Variants in KIF4A observed in about 807,000 individuals in gnomAD.
KIF4A encodes the protein chromosome-associated kinesin KIF4A.
In KIF4A, 7 loss-of-function variants were observed where a neutral mutation model predicts 105.9. That is an observed-to-expected ratio of 0.07 (90% CI 0.04 to 0.12). The LOEUF (loss-of-function observed/expected upper bound fraction) is 0.12, where lower values mean the gene tolerates loss of function less well. Among genes scored for constraint, KIF4A ranks in the 10% least tolerant of loss-of-function variants. KIF4A has a pLI of 1.00. For missense variants in KIF4A, 558 were observed against 929.2 expected (o/e 0.60, Z 5.19); for synonymous variants, 281 against 331.3 (o/e 0.85, Z 1.65).
chrX:70,355,876 A>C, intron 15 of KIF4A, among the ~76,000 whole-genome samples: 1 of 111,980 alleles, frequency 8.9e-6, no homozygotes, highest in Non-Finnish European at 1.9e-5. Flanking sequence ...GAGTAAAGAC[A>C]AAAAAAGTGT....
At chrX:70,373,940 G>A (rs1044996834) in intron 15 of KIF4A, among the ~76,000 whole-genome samples, 19 of 104,418 alleles carry the variant, frequency 1.8e-4, no homozygotes, top group East Asian at 6.0e-4. Flanking sequence ...TATAGTAAGC[G>A]TGGCAGTCAA....
At chrX:70,382,917 G>A (rs1160404565) in intron 18 of KIF4A, among the ~76,000 whole-genome samples, 1 of 111,592 alleles carries the variant, frequency 9.0e-6, no homozygotes, top group Non-Finnish European at 1.9e-5. Flanking sequence ...GGGCACGGTG[G>A]CTCACACCTG....
chrX:70,344,267 T>C, intron 13 of KIF4A, among the ~76,000 whole-genome samples: 1 of 112,303 alleles, frequency 8.9e-6, no homozygotes, highest in Non-Finnish European at 1.9e-5. Context: ...CAGTCATTGA[T>C]TTGCTGTCCT....
At chrX:70,367,172 A>G (rs1057252825) in intron 15 of KIF4A, among the ~76,000 whole-genome samples, 5 of 111,514 alleles carry the variant, frequency 4.5e-5, no homozygotes, top group African/African-American at 1.3e-4. Context: ...TTTCCTGAGT[A>G]CAGCACACTG....
intron 22 of KIF4A, among the ~76,000 whole-genome samples, chrX:70,401,079 A>ATTTTTT (rs1271801890): frequency 1.4e-5 from 1 of 74,065 alleles, no homozygotes; most frequent in African/African-American, 5.2e-5. Flanking sequence ...TAGGTTTATG[A>ATTTTTT]TTTTTTTTTT....
rs759914631 is a variant in KIF4A, at chrX:70,313,684, A to G, written c.778+11286A>G. Among the ~76,000 whole-genome samples, 477 of 112,092 alleles carry G rather than the reference A, an allele frequency of 4.3e-3. 1 individual carries two copies. Among genetic ancestry groups the G allele is most frequent in the African/African-American group, 0.015 (459 of 30,858 alleles). On this transcript the variant is annotated intron_variant, in intron 7 of 30. Coordinates refer to ENST00000374403, the MANE Select transcript of KIF4A (RefSeq NM_012310.5). ...ATTTTTTCTTATGTTGGTCTGATTC[A>G]TCTGCTTTCAGTCTCTCAAGGATTT...
chrX:70,374,338 T>C (rs2086166547), intron 16 of KIF4A, 84 bp downstream of exon 16: 2 of 552,984 alleles, frequency 3.6e-6, no homozygotes, highest in Admixed American at 3.4e-5. Context: ...AGAAGTCCCA[T>C]TTACTGCCCC....
intron 7 of KIF4A, among the ~76,000 whole-genome samples, chrX:70,329,028 AAAT>A (rs1224906537): frequency 9.0e-6 from 1 of 111,528 alleles, no homozygotes; most frequent in African/African-American, 3.3e-5. Context: ...ATGATAATAA[AAAT>A]AATGATGATG....
At chrX:70,376,310 G>C (rs1327253396) in intron 18 of KIF4A, 100 bp downstream of exon 18, 1 of 474,843 alleles carries the variant, frequency 2.1e-6, no homozygotes, top group Non-Finnish European at 3.7e-6. Context: ...GTCTCCAAAA[G>C]TGTGACATTC....
chrX:70,370,098 A>T (rs1260042232), intron 15 of KIF4A, among the ~76,000 whole-genome samples: 1 of 111,702 alleles, frequency 9.0e-6, no homozygotes, highest in African/African-American at 3.2e-5. Context: ...AGGCTATACC[A>T]TATAGCCTGG....
chrX:70,338,609 C>T (rs1441135898), intron 10 of KIF4A, among the ~76,000 whole-genome samples: 3 of 112,089 alleles, frequency 2.7e-5, no homozygotes, highest in African/African-American at 9.7e-5. Flanking sequence ...TGCAAACATT[C>T]ACTTGCAAGT....
intron 13 of KIF4A, among the ~76,000 whole-genome samples, chrX:70,351,436 C>T (rs1187754970): frequency 8.9e-6 from 1 of 112,058 alleles, no homozygotes; most frequent in Non-Finnish European, 1.9e-5. Context: ...AGATAATGGC[C>T]TCTAGTTTCA....
chrX:70,329,391 T>C lies in KIF4A; in HGVS notation c.779-14T>C, dbSNP rs1485974769. On this transcript the variant is annotated splice_polypyrimidine_tract_variant and intron_variant, in intron 7 of 30. Coordinates refer to ENST00000374403, the MANE Select transcript of KIF4A (RefSeq NM_012310.5). ...GCATTACCAAGCAATTTAAATTTCA[T>C]TTCCTGCTATTAGGTATTAATATTA... 3.4e-6 allele frequency: 4 copies of C among 1,189,616 alleles called. No individual in the cohort carries two copies. Among genetic ancestry groups the C allele is most frequent in the African/African-American group, 1.8e-5 (1 of 56,870 alleles).
chrX:70,311,594 A>G (rs1293758533), intron 7 of KIF4A, among the ~76,000 whole-genome samples: 1 of 111,798 alleles, frequency 8.9e-6, no homozygotes, highest in Non-Finnish European at 1.9e-5. Context: ...CTCTGATATT[A>G]TTTGAAACAA....
chrX:70,364,562 A>G (rs1271302716), intron 15 of KIF4A, among the ~76,000 whole-genome samples: 1 of 107,789 alleles, frequency 9.3e-6, no homozygotes, highest in African/African-American at 3.4e-5. Context: ...GATATGCGGC[A>G]TTATTTCTGA....
intron 1 of KIF4A, 92 bp from the exon 2 acceptor site, chrX:70,290,346 C>T: frequency 7.6e-6 from 8 of 1,050,149 alleles, no homozygotes; most frequent in Admixed American, 2.8e-5. Flanking sequence ...GTCAGTGTTC[C>T]CGCTGAGGAG....
In KIF4A at chrX:70,374,083, A is replaced by T. The variant is rs765532209; in HGVS notation, c.1675-68A>T. On this transcript the variant is annotated intron_variant, in intron 15 of 30. Coordinates refer to ENST00000374403, the MANE Select transcript of KIF4A (RefSeq NM_012310.5). ...AATGCATAGTTCCTTGAGACATGGA[A>T]TGCTGAAGTGATTTTTCTTCCTGTG... is the stretch of plus-strand genomic sequence containing the variant. 41 of 599,078 alleles carry T rather than the reference A, an allele frequency of 6.8e-5. No homozygotes were observed. The East Asian group carries it at 1.1e-3, about 16-fold the overall frequency. The allele number at this position is 599,078 out of a possible 1,213,427, so 49.4% of individuals were successfully genotyped here.
intron 20 of KIF4A, among the ~76,000 whole-genome samples, chrX:70,387,745 G>A (rs2086223195): frequency 9.0e-6 from 1 of 111,570 alleles, no homozygotes; most frequent in Non-Finnish European, 1.9e-5. Context: ...ACAGGTGCCT[G>A]TAATCCCAGC....
At chrX:70,417,811 G>T (rs1228872767) in intron 28 of KIF4A, 77 bp from the exon 29 acceptor site, 1 of 784,028 alleles carries the variant, frequency 1.3e-6, no homozygotes, top group Non-Finnish European at 1.9e-6. Flanking sequence ...AGAAAAGCTT[G>T]CAAATGAAGG....
Sources: gnomAD v4.1 joint callset for allele counts (sites outside exome capture counted in the v4.1 genomes callset) on GRCh38, gnomAD v4.1.1 for gene constraint, MANE v1.5 for transcripts, NCBI Gene and HGNC (gene_info 2026-07-23, HGNC 2026-07-21) for gene names.